KIRREL1: variants seen among roughly 807,000 people sequenced by gnomAD.
KIRREL1 encodes the protein kirre like nephrin family adhesion molecule 1.
KIRREL1 carries 25 observed loss-of-function variants against 83.3 expected under a neutral mutation model. The ratio of observed to expected loss-of-function variants is 0.30; its 90% CI spans 0.22 to 0.42. The LOEUF (loss-of-function observed/expected upper bound fraction) is 0.42. Among genes scored for constraint, KIRREL1 ranks in the 10% least tolerant of loss-of-function variants. KIRREL1 has a pLI of 1.00. For synonymous variants in KIRREL1, 388 were observed against 410.4 expected (o/e 0.95, Z 0.66); for missense variants, 812 against 1,032.3 (o/e 0.79, Z 2.92).
At chr1:158,013,632 G>A (rs1659747432) in intron 1 of KIRREL1, among the ~76,000 whole-genome samples, 1 of 152,220 alleles carries the variant, frequency 6.6e-6, no homozygotes, top group Non-Finnish European at 1.5e-5. Flanking sequence ...AAGACTCAGA[G>A]GGTAAGTGAC....
At chr1:158,013,918 C>G (rs1659754716) in intron 1 of KIRREL1, among the ~76,000 whole-genome samples, 1 of 152,142 alleles carries the variant, frequency 6.6e-6, no homozygotes, top group South Asian at 2.1e-4. Context: ...TTTTAGGTGA[C>G]ACTGCTCCTG....
chr1:158,066,964 C>T (rs761015524), intron 1 of KIRREL1, among the ~76,000 whole-genome samples: 2 of 152,200 alleles, frequency 1.3e-5, no homozygotes, highest in Non-Finnish European at 2.9e-5. Context: ...TCTGTCATAC[C>T]TGCTATAGCC....
At chr1:158,043,890 A>C (rs964682233) in intron 1 of KIRREL1, among the ~76,000 whole-genome samples, 10 of 152,240 alleles carry the variant, frequency 6.6e-5, no homozygotes, top group African/African-American at 2.4e-4. Flanking sequence ...TTCACCCTGC[A>C]AATTACTAGC....
intron 1 of KIRREL1, among the ~76,000 whole-genome samples, chr1:158,041,532 A>G (rs1048495183): frequency 1.3e-5 from 2 of 152,160 alleles, no homozygotes; most frequent in African/African-American, 4.8e-5. Context: ...GAGAAAGGAA[A>G]ACCAGCAGAG....
chr1:157,999,634 G>A (rs553837733), intron 1 of KIRREL1, among the ~76,000 whole-genome samples: 4 of 151,750 alleles, frequency 2.6e-5, no homozygotes, highest in South Asian at 2.1e-4. Flanking sequence ...GCCCCTTCCC[G>A]ACCTACCAGT....
At chr1:158,019,174 C>G (rs1034622547) in intron 1 of KIRREL1, among the ~76,000 whole-genome samples, 1 of 151,972 alleles carries the variant, frequency 6.6e-6, no homozygotes, top group African/African-American at 2.4e-5. Context: ...AGTGCATTGT[C>G]ATGATGAACA....
intron 13 of KIRREL1, 59 bp downstream of exon 13, chr1:158,093,821 A>G: frequency 6.3e-7 from 1 of 1,590,130 alleles, no homozygotes; most frequent in Non-Finnish European, 8.6e-7. Context: ...GACCAGCTCC[A>G]TCCCAGATCT....
intron 1 of KIRREL1, among the ~76,000 whole-genome samples, chr1:158,028,871 A>T (rs1660242324): frequency 1.3e-5 from 2 of 152,118 alleles, no homozygotes; most frequent in Admixed American, 1.3e-4. Flanking sequence ...GCAGAACTTG[A>T]CCTTCTCCAG....
At chr1:158,034,145 C>T (rs1660405112) in intron 1 of KIRREL1, among the ~76,000 whole-genome samples, 1 of 151,174 alleles carries the variant, frequency 6.6e-6, no homozygotes, top group Admixed American at 6.6e-5. Context: ...TGGTGGCGGG[C>T]GCCTGTAATC....
At position 158,014,685 on chromosome 1, in the gene KIRREL1, G is replaced by A. The variant is rs868626896; in HGVS notation, c.52+20957G>A. 5.1e-3 allele frequency among the ~76,000 whole-genome samples: 766 copies of A among 150,878 alleles called. 15 individuals carry two copies. Among genetic ancestry groups the A allele is most frequent in the African/African-American group, 0.018 (720 of 41,102 alleles). On this transcript the variant is annotated intron_variant, in intron 1 of 14. Transcript: ENST00000359209. ...TAAGAGAAATATAGTCTTTATGGGG[G>A]GGGGGGGGCGGGGGGAAGGAGGTTT...
chr1:158,002,183 A>G (rs533547429), intron 1 of KIRREL1, among the ~76,000 whole-genome samples: 1 of 152,324 alleles, frequency 6.6e-6, no homozygotes, highest in African/African-American at 2.4e-5. Flanking sequence ...ATACTTCAGT[A>G]TAAGATAAAG....
chr1:158,044,506 GT>G (rs1377889783), intron 1 of KIRREL1, among the ~76,000 whole-genome samples: 2 of 152,152 alleles, frequency 1.3e-5, no homozygotes, highest in Non-Finnish European at 2.9e-5. Context: ...TTGCTTGTTT[GT>G]TTGTTTGTTT....
chr1:158,045,733 C>G (rs1660762539), intron 1 of KIRREL1, among the ~76,000 whole-genome samples: 1 of 152,170 alleles, frequency 6.6e-6, no homozygotes, highest in African/African-American at 2.4e-5. Context: ...CTCCAACCTC[C>G]CTCTCCTCTC....
chr1:158,055,903 T>C (rs1348685161), intron 1 of KIRREL1, among the ~76,000 whole-genome samples: 1 of 152,184 alleles, frequency 6.6e-6, no homozygotes, highest in Non-Finnish European at 1.5e-5. Flanking sequence ...TGGTCCCACA[T>C]GGGGACAGCA....
At chr1:158,064,971 A>G (rs1039421120) in intron 1 of KIRREL1, among the ~76,000 whole-genome samples, 17 of 128,000 alleles carry the variant, frequency 1.3e-4, no homozygotes, top group Admixed American at 2.4e-4. Context: ...AGTGGGAAAG[A>G]GGGGCAAGAG....
chr1:158,054,420 T>A (rs1660994423), intron 1 of KIRREL1, among the ~76,000 whole-genome samples: 1 of 151,998 alleles, frequency 6.6e-6, no homozygotes, highest in African/African-American at 2.4e-5. Context: ...TTTAATTTTT[T>A]ATTATCCCAA....
At chr1:157,999,766 G>T (rs1435635386) in intron 1 of KIRREL1, among the ~76,000 whole-genome samples, 1 of 152,148 alleles carries the variant, frequency 6.6e-6, no homozygotes, top group Non-Finnish European at 1.5e-5. Context: ...GGAGAAAGAG[G>T]CTGTCATGTC....
intron 1 of KIRREL1, among the ~76,000 whole-genome samples, chr1:158,029,873 T>G (rs1010969020): frequency 6.6e-5 from 10 of 152,242 alleles, no homozygotes. Context: ...ACCTGATGGC[T>G]TAATGTATTT....
chr1:158,007,327 G>GA (rs1476007435), intron 1 of KIRREL1, among the ~76,000 whole-genome samples: 1 of 152,162 alleles, frequency 6.6e-6, no homozygotes, highest in East Asian at 1.9e-4. Flanking sequence ...GGAGGGAAGG[G>GA]AACCTGGGCC....
Sources: gnomAD v4.1 joint callset for allele counts (sites outside exome capture counted in the v4.1 genomes callset) on GRCh38, gnomAD v4.1.1 for gene constraint, MANE v1.5 for transcripts, NCBI Gene and HGNC (gene_info 2026-07-23, HGNC 2026-07-21) for gene names.